The following GBE1 variants were observed in gnomAD, a reference collection of about 807,000 sequenced individuals.
GBE1 encodes the protein 1,4-alpha-glucan branching enzyme 1, also known as 1,4-alpha-glucan-branching enzyme.
In GBE1, 70 loss-of-function variants were observed where a neutral mutation model predicts 88.8. That is an observed-to-expected ratio of 0.79 (90% CI 0.65 to 0.96). The LOEUF (loss-of-function observed/expected upper bound fraction) is 0.96. Among genes scored for constraint, GBE1 ranks in the 40% least tolerant of loss-of-function variants. The pLI, the probability that GBE1 is intolerant of heterozygous loss-of-function variation, is 0.00. For missense variants in GBE1, 872 were observed against 871.0 expected (o/e 1.00, Z -0.01); for synonymous variants, 284 against 300.1 (o/e 0.95, Z 0.56).
intron 2 of GBE1, among the ~76,000 whole-genome samples, chr3:81,675,789 T>G (rs1197627044): frequency 1.3e-5 from 2 of 152,060 alleles, no homozygotes; most frequent in South Asian, 4.1e-4. Context: ...TAAGAACATG[T>G]TTCCTATACG....
At chr3:81,548,920 C>T (rs879394454) in intron 12 of GBE1, among the ~76,000 whole-genome samples, 3 of 151,118 alleles carry the variant, frequency 2.0e-5, no homozygotes, top group Non-Finnish European at 4.4e-5. Context: ...TTTTAACCTA[C>T]TTGCAGCTTT....
chr3:81,726,326 A>G lies in GBE1; in HGVS notation c.144-20713T>C, dbSNP rs1266577368. 5.3e-5 allele frequency among the ~76,000 whole-genome samples: 8 copies of G among 152,018 alleles called. No individual in the cohort carries two copies. In the South Asian group the frequency reaches 1.7e-3, roughly 32 times the overall value. On this transcript the variant is annotated intron_variant, in intron 1 of 15. Transcript: ENST00000429644. ...ATGCTTCAGTGCCACTGCTTTTAGT[A>G]TTTATTGTTTGTGAGCGTGGTTTTG...
At chr3:81,494,104 G>T (rs1029646100) in intron 15 of GBE1, among the ~76,000 whole-genome samples, 1 of 151,964 alleles carries the variant, frequency 6.6e-6, no homozygotes, top group African/African-American at 2.4e-5. Context: ...ATATTTCACT[G>T]CAGTGTTAAT....
At chr3:81,579,771 T>C (rs1703696048) in intron 11 of GBE1, among the ~76,000 whole-genome samples, 1 of 151,598 alleles carries the variant, frequency 6.6e-6, no homozygotes, top group Non-Finnish European at 1.5e-5. Context: ...ATAATGTAAA[T>C]TGAAGTTGAT....
chr3:81,584,362 G>C (rs1256968130), intron 10 of GBE1, among the ~76,000 whole-genome samples: 1 of 152,042 alleles, frequency 6.6e-6, no homozygotes, highest in Non-Finnish European at 1.5e-5. Flanking sequence ...GTTGTCATCT[G>C]ATTTAATAAC....
intron 14 of GBE1, among the ~76,000 whole-genome samples, chr3:81,510,314 T>C (rs879717993): frequency 2.0e-5 from 3 of 152,152 alleles, no homozygotes; most frequent in Non-Finnish European, 4.4e-5. Context: ...GGTAGAAACA[T>C]AATTTTTCTT....
intron 7 of GBE1, among the ~76,000 whole-genome samples, chr3:81,600,045 G>A (rs995452343): frequency 2.6e-5 from 4 of 152,214 alleles, no homozygotes; most frequent in East Asian, 3.9e-4. Flanking sequence ...AGGCCAAGGC[G>A]GGTGGATCAC....
intron 14 of GBE1, among the ~76,000 whole-genome samples, chr3:81,532,649 C>A (rs1703024894): frequency 6.6e-6 from 1 of 151,948 alleles, no homozygotes; most frequent in Non-Finnish European, 1.5e-5. Context: ...CAAGTAGCTC[C>A]CTAGTCAAAA....
chr3:81,699,926 G>C (rs1705662690), intron 2 of GBE1, among the ~76,000 whole-genome samples: 1 of 152,200 alleles, frequency 6.6e-6, no homozygotes, highest in Admixed American at 6.5e-5. Context: ...GCTTGGCCAT[G>C]TTATTTGGCT....
intron 14 of GBE1, among the ~76,000 whole-genome samples, chr3:81,501,645 G>C (rs568585126): frequency 7.1e-6 from 1 of 140,430 alleles, no homozygotes; most frequent in South Asian, 2.3e-4. Flanking sequence ...ATTTAAGGTT[G>C]CAAAACTAAA....
intron 14 of GBE1, among the ~76,000 whole-genome samples, chr3:81,504,967 T>C (rs1231638667): frequency 2.6e-5 from 4 of 152,002 alleles, no homozygotes; most frequent in African/African-American, 9.7e-5. Context: ...AAAAGAAGAG[T>C]TCTCCAGTGA....
At chr3:81,758,157 C>T (rs1195478164) in intron 1 of GBE1, among the ~76,000 whole-genome samples, 1 of 152,180 alleles carries the variant, frequency 6.6e-6, no homozygotes, top group African/African-American at 2.4e-5. Flanking sequence ...TATGCTCAAG[C>T]CCATCACTTA....
intron 11 of GBE1, among the ~76,000 whole-genome samples, chr3:81,580,808 C>T (rs1401453686): frequency 6.6e-6 from 1 of 152,036 alleles, no homozygotes; most frequent in Non-Finnish European, 1.5e-5. Flanking sequence ...CTCTAGAAGG[C>T]AGCCTAAGAC....
intron 14 of GBE1, among the ~76,000 whole-genome samples, chr3:81,528,771 A>G (rs898847150): frequency 6.6e-6 from 1 of 152,012 alleles, no homozygotes; most frequent in Admixed American, 6.6e-5. Flanking sequence ...AATCTATATT[A>G]TCTGATATTC....
chr3:81,539,853 T>C (rs921543040), intron 12 of GBE1, among the ~76,000 whole-genome samples: 1 of 151,874 alleles, frequency 6.6e-6, no homozygotes, highest in African/African-American at 2.4e-5. Flanking sequence ...GAAGGAAACA[T>C]CAGCATCTGT....
chr3:81,644,859 G>C (rs549003034), intron 6 of GBE1, among the ~76,000 whole-genome samples: 3 of 152,260 alleles, frequency 2.0e-5, no homozygotes, highest in East Asian at 3.9e-4. Context: ...GATATATTTT[G>C]AAGTTACAGA....
intron 3 of GBE1, among the ~76,000 whole-genome samples, chr3:81,657,154 CA>C (rs1211824730): frequency 6.7e-5 from 9 of 134,848 alleles, no homozygotes; most frequent in African/African-American, 1.4e-4. Flanking sequence ...AAAAACAAAA[CA>C]AAAAAAAACA....
intron 12 of GBE1, among the ~76,000 whole-genome samples, chr3:81,564,009 C>T (rs1476779077): frequency 1.3e-5 from 2 of 151,830 alleles, no homozygotes; most frequent in Non-Finnish European, 2.9e-5. Context: ...TGACAATATC[C>T]CCTCTAAAAT....
At chr3:81,504,525 A>T (rs9828883) in intron 14 of GBE1, among the ~76,000 whole-genome samples, 9,215 of 151,938 alleles carry the variant, frequency 0.061, 457 homozygotes, top group African/African-American at 0.13. Context: ...TTTAAAGGAG[A>T]TCAAATAGGT....
Sources: allele counts gnomAD v4.1 joint callset (sites outside exome capture counted in the v4.1 genomes callset), GRCh38; gene constraint gnomAD v4.1.1; transcripts MANE v1.5; gene names NCBI Gene and HGNC (gene_info 2026-07-23, HGNC 2026-07-21).